DCBLD1: variants seen among roughly 807,000 people sequenced by gnomAD.
The protein encoded by DCBLD1 is discoidin, CUB and LCCL domain containing 1, also known as discoidin, CUB and LCCL domain-containing protein 1.
Under a neutral mutation model 71.5 loss-of-function variants are expected in DCBLD1, and 57 were observed. That is an observed-to-expected ratio of 0.80 (90% confidence interval 0.64 to 0.99). DCBLD1 has a LOEUF of 0.99. Ranked by LOEUF, DCBLD1 falls within the 50% of genes least tolerant of loss-of-function variation. The pLI is 0.00. For synonymous variants in DCBLD1, 380 were observed against 363.8 expected (o/e 1.04, Z -0.51); for missense variants, 891 against 923.5 (o/e 0.96, Z 0.46).
chr6:117,513,449 G>A (rs929388163), intron 2 of DCBLD1, among the ~76,000 whole-genome samples: 3 of 152,166 alleles, frequency 2.0e-5, no homozygotes, highest in African/African-American at 7.2e-5. Flanking sequence ...ATCTCTGATA[G>A]CTCTTCCCAC....
intron 2 of DCBLD1, among the ~76,000 whole-genome samples, chr6:117,514,925 TTTTCC>T (rs1381990870): frequency 4.6e-5 from 7 of 152,020 alleles, no homozygotes; most frequent in African/African-American, 1.4e-4. Flanking sequence ...TTTTTGCAAC[TTTTCC>T]TTTCAACTGT....
chr6:117,519,350 GTGTGTATGCTGCA>G (rs1440612834), intron 2 of DCBLD1, among the ~76,000 whole-genome samples: 1 of 152,204 alleles, frequency 6.6e-6, no homozygotes. Flanking sequence ...AGGAAAATCA[GTGTGTATGCTGCA>G]TGTGAATGCT....
intron 12 of DCBLD1, 56 bp downstream of exon 12, chr6:117,543,267 C>A (rs1779161725): frequency 6.7e-6 from 10 of 1,495,828 alleles, no homozygotes; most frequent in Non-Finnish European, 7.5e-6. Context: ...CAATAAAAAA[C>A]CAAAAAGTTT....
intron 2 of DCBLD1, among the ~76,000 whole-genome samples, chr6:117,514,042 G>C (rs1351750016): frequency 6.6e-6 from 1 of 152,062 alleles, no homozygotes; most frequent in Non-Finnish European, 1.5e-5. Flanking sequence ...AGACTCCCAG[G>C]GTCTTTCCGT....
chr6:117,566,848 T>C, intron 14 of DCBLD1: 1 of 1,536,256 alleles, frequency 6.5e-7, no homozygotes, highest in Admixed American at 2.2e-5. Flanking sequence ...TTAGAGTGAT[T>C]TTTACCTTGT....
In DCBLD1 at chr6:117,548,279, G is replaced by A; in HGVS notation, c.1988G>A (p.Arg663Lys). The change falls in exon 15 of 15, where the codon AGG becomes AAG. Residue 663 changes from arginine to lysine, a missense_variant. Coordinates refer to ENST00000338728, the MANE Select transcript of DCBLD1 (RefSeq NM_001366458.2). ...CCACACAGCGCACAGCCTGCGGACA[G>A]GGGCTACGACCGGCCCAAAGCTGTC... is the stretch of plus-strand genomic sequence containing the variant. Reference protein sequence around the residue: ...QRPHSAQPADRGYDRPKAVSA... With the variant: ...QRPHSAQPADKGYDRPKAVSA... The A allele has an allele frequency of 6.4e-7, 1 of 1,550,620 alleles. No homozygotes were observed. The highest frequency in any genetic ancestry group is 1.2e-5 in the South Asian group (1 of 84,064).
rs927287239 is a variant in DCBLD1, at chr6:117,526,969, TG to T, written c.585+1539del. ...GCTGCAATCTCATTGGAGGCTCAGC[TG>T]GGGAAGGATCTGCTTCTAAGCTCAT... is the stretch of plus-strand genomic sequence containing the variant. On this transcript the variant is annotated intron_variant, in intron 5 of 14. Transcript: ENST00000338728. Among the ~76,000 whole-genome samples the T allele has an allele frequency of 5.3e-5, 8 of 152,328 alleles. No homozygotes were observed. The South Asian group carries it at 1.7e-3, about 32-fold the overall frequency.
In DCBLD1 at chr6:117,529,289, G is replaced by A. The variant is rs542438435; in HGVS notation, c.586-2971G>A. Among the ~76,000 whole-genome samples the A allele has an allele frequency of 2.2e-5, 3 of 137,862 alleles. No homozygotes were observed. The South Asian group carries it at 7.1e-4, about 33-fold the overall frequency. The allele number at this position is 137,862 out of a possible 152,430, so 90.4% of individuals were successfully genotyped here. On this transcript the variant is annotated intron_variant, in intron 5 of 14. Coordinates refer to ENST00000338728, the MANE Select transcript of DCBLD1 (RefSeq NM_001366458.2). ...TTGCCGTTAAAGCAAGATATTATACGGAGGACAGAAAGTATTTAAGTACAG... is the reference window on the plus strand; with the variant it reads ...TTGCCGTTAAAGCAAGATATTATACAGAGGACAGAAAGTATTTAAGTACAG...
intron 1 of DCBLD1, among the ~76,000 whole-genome samples, chr6:117,497,620 C>T (rs1036789322): frequency 5.3e-5 from 8 of 152,208 alleles, no homozygotes; most frequent in Non-Finnish European, 1.2e-4. Context: ...CTCTGTAACT[C>T]TGTCAAGTTA....
chr6:117,485,898 C>A (rs1777070508), intron 1 of DCBLD1, among the ~76,000 whole-genome samples: 2 of 152,092 alleles, frequency 1.3e-5, no homozygotes. Context: ...AACATGCCAG[C>A]AGAACAATAT....
chr6:117,548,977 T>C lies in DCBLD1; in HGVS notation c.*538T>C, dbSNP rs993874874. On this transcript the variant is annotated 3_prime_UTR_variant, in exon 15 of 15. Transcript: ENST00000338728. The stretch of plus-strand genomic sequence containing the variant: ...CCTTTGATAACTAGAACTGAAAGCA[T>C]TTTTAACATTCTTCTCCTGGAAGAA... 10 of 986,598 alleles carry C rather than the reference T, an allele frequency of 1.0e-5. No homozygotes were observed. In the African/African-American group the frequency reaches 1.7e-4, roughly 17 times the overall value. The allele number at this position is 986,598 out of a possible 1,614,324, so 61.1% of individuals were successfully genotyped here.
rs1302382383 is a variant in DCBLD1 at position 117,548,043 on chromosome 6, C to T, written c.1752C>T (p.Ala584=). The T allele has an allele frequency of 2.2e-5, 34 of 1,549,128 alleles. No homozygotes were observed. Among genetic ancestry groups the T allele is most frequent in the Middle Eastern group, 1.7e-4 (1 of 5,996 alleles). ...GCCACTATGACTGCCCGCAGCGGGC[C>T]GGCCGCCACGAGTACGCGCTGCCCC... is the stretch of plus-strand genomic sequence containing the variant. ...AGGHYDCPQR[A]GRHEYALPLA... is the part of the protein sequence containing the mutation. Residue 584 remains alanine, a synonymous_variant, in exon 15 of 15, where the codon GCC becomes GCT. Coordinates refer to ENST00000338728, the MANE Select transcript of DCBLD1 (RefSeq NM_001366458.2).
At position 117,548,620 on chromosome 6, in the gene DCBLD1, G is replaced by T; in HGVS notation, c.*181G>T. 7.0e-7 allele frequency: 1 copy of T among 1,433,842 alleles called. No homozygotes were observed. The highest frequency in any genetic ancestry group is 9.1e-7 in the Non-Finnish European group (1 of 1,098,482). 88.8% of individuals were successfully genotyped at this position (1,433,842 alleles called of 1,614,324 possible). ...GTCATACTGTTTACAAAATTGTGCA[G>T]CTGGTTTCGTGCTGACCCTTAGGGT... On this transcript the variant is annotated 3_prime_UTR_variant, in exon 15 of 15. Coordinates refer to ENST00000338728, the MANE Select transcript of DCBLD1 (RefSeq NM_001366458.2).
At chr6:117,546,676 G>A (rs1005824977) in intron 14 of DCBLD1, among the ~76,000 whole-genome samples, 6 of 151,888 alleles carry the variant, frequency 4.0e-5, no homozygotes, top group Non-Finnish European at 8.8e-5. Flanking sequence ...GCAATGACCC[G>A]GGTTCTGTCT....
chr6:117,548,007 C>T lies in DCBLD1; in HGVS notation c.1716C>T (p.Thr572=). The change falls in exon 15 of 15, where the codon ACC becomes ACT. Residue 572 remains threonine, a synonymous_variant. Coordinates refer to ENST00000338728, the MANE Select transcript of DCBLD1 (RefSeq NM_001366458.2). Reference sequence around the variant, plus strand: ...ATGCCGAGGAGGCAGGGGTGAGCACCGATGCCGGCGGCCACTATGACTGCC... The same window carrying T: ...ATGCCGAGGAGGCAGGGGTGAGCACTGATGCCGGCGGCCACTATGACTGCC... ...DTDAEEAGVS[T]DAGGHYDCPQ... 6.4e-7 allele frequency: 1 copy of T among 1,550,436 alleles called. No homozygotes were observed. Among genetic ancestry groups the T allele is most frequent in the Admixed American group, 2.0e-5 (1 of 51,010 alleles).
intron 5 of DCBLD1, among the ~76,000 whole-genome samples, chr6:117,532,007 T>A (rs1017030092): frequency 5.9e-5 from 9 of 152,184 alleles, no homozygotes; most frequent in African/African-American, 2.2e-4. Flanking sequence ...GCAGGTTAAC[T>A]GGGGCTCAAG....
intron 1 of DCBLD1, among the ~76,000 whole-genome samples, chr6:117,486,970 G>A (rs1200872390): frequency 4.6e-5 from 7 of 152,150 alleles, no homozygotes; most frequent in African/African-American, 1.7e-4. Flanking sequence ...GAGGCATCTA[G>A]ATTGCCACGC....
At chr6:117,567,107 G>T (rs1185834860) in intron 14 of DCBLD1, 2 of 1,128,910 alleles carry the variant, frequency 1.8e-6, no homozygotes, top group African/African-American at 1.6e-5. Context: ...CAAATTCTTT[G>T]TGGGAAGGCT....
In DCBLD1 at chr6:117,490,529, A is replaced by G. The variant is rs184769691; in HGVS notation, c.112+7636A>G. Among the ~76,000 whole-genome samples the G allele has an allele frequency of 1.5e-3, 236 of 152,324 alleles. 2 individuals carry two copies. Among genetic ancestry groups the G allele is most frequent in the African/African-American group, 5.4e-3 (226 of 41,572 alleles). ...TTACTCTCTCTTACTAATGGAGTCA[A>G]ATAATTTGCCTATACATACTTTATT... On this transcript the variant is annotated intron_variant, in intron 1 of 14. Coordinates refer to ENST00000338728, the MANE Select transcript of DCBLD1 (RefSeq NM_001366458.2).
Sources: gnomAD v4.1 joint callset for allele counts (sites outside exome capture counted in the v4.1 genomes callset) on GRCh38, gnomAD v4.1.1 for gene constraint, MANE v1.5 for transcripts, NCBI Gene and HGNC (gene_info 2026-07-23, HGNC 2026-07-21) for gene names.